PDS5A: variants seen among roughly 807,000 people sequenced by gnomAD.
The protein encoded by PDS5A is sister chromatid cohesion protein PDS5 homolog A.
Under a neutral mutation model 167.1 loss-of-function variants are expected in PDS5A, and 42 were observed. The observed-to-expected ratio is 0.25, with a 90% CI of 0.20 to 0.33. The LOEUF is 0.33. PDS5A is among the 10% of genes least tolerant of loss of function. The pLI, the probability that PDS5A is intolerant of heterozygous loss-of-function variation, is 1.00. For synonymous variants in PDS5A, 553 were observed against 554.6 expected (o/e 1.00, Z 0.04); for missense variants, 1,033 against 1,605.9 (o/e 0.64, Z 6.10).
intron 29 of PDS5A, among the ~76,000 whole-genome samples, chr4:39,845,471 ATTAC>A (rs1265121698): frequency 6.6e-6 from 1 of 152,194 alleles, no homozygotes; most frequent in Non-Finnish European, 1.5e-5. Context: ...GTGTCACCAT[ATTAC>A]TTACATAGAA....
At chr4:39,893,993 T>C (rs1164693001) in intron 16 of PDS5A, among the ~76,000 whole-genome samples, 3 of 152,228 alleles carry the variant, frequency 2.0e-5, no homozygotes, top group Non-Finnish European at 4.4e-5. Flanking sequence ...AGCTATTTCA[T>C]TGTCTGATCT....
chr4:39,972,956 ATAT>A (rs1730698212), intron 2 of PDS5A, among the ~76,000 whole-genome samples: 2 of 151,894 alleles, frequency 1.3e-5, no homozygotes, highest in African/African-American at 2.4e-5. Flanking sequence ...TCTAGGACTA[ATAT>A]TATGTTTGCT....
intron 30 of PDS5A, among the ~76,000 whole-genome samples, 162 bp downstream of exon 30, chr4:39,844,494 A>C (rs1289392403): frequency 7.5e-5 from 11 of 145,846 alleles, no homozygotes; most frequent in East Asian, 4.0e-4. Context: ...AAAAAAAAAA[A>C]CAAAAAAAAA....
intron 17 of PDS5A, among the ~76,000 whole-genome samples, chr4:39,880,455 T>C (rs537871650): frequency 6.6e-6 from 1 of 152,308 alleles, no homozygotes; most frequent in South Asian, 2.1e-4. Flanking sequence ...AACATGGTAC[T>C]ATTTTAAGTA....
intron 32 of PDS5A, among the ~76,000 whole-genome samples, chr4:39,834,571 A>G (rs1189071741): frequency 1.3e-5 from 2 of 152,176 alleles, no homozygotes; most frequent in Non-Finnish European, 2.9e-5. Flanking sequence ...AAAAATTTTT[A>G]AAGAGTGCCA....
In PDS5A at chr4:39,883,243, C is replaced by T. The variant is rs554980536; in HGVS notation, c.1887-3410G>A. ...TTGCCCAGGCTGGAGTGCAATGGTG[C>T]GACCTCAGCTCACTGCAACTTCCGC... On this transcript the variant is annotated intron_variant, in intron 17 of 32. Coordinates refer to ENST00000303538, the MANE Select transcript of PDS5A (RefSeq NM_001100399.2). Among the ~76,000 whole-genome samples, 507 of 152,118 alleles carry T rather than the reference C, an allele frequency of 3.3e-3. 4 individuals are homozygous for T. Among genetic ancestry groups the T allele is most frequent in the Middle Eastern group, 0.02 (6 of 294 alleles).
chr4:39,938,968 A>T (rs1055845746), intron 2 of PDS5A, among the ~76,000 whole-genome samples: 1 of 145,690 alleles, frequency 6.9e-6, no homozygotes, highest in African/African-American at 2.5e-5. Flanking sequence ...GACTCCATCT[A>T]AAAAAAAAAA....
intron 17 of PDS5A, among the ~76,000 whole-genome samples, chr4:39,886,466 C>A (rs544825931): frequency 1.3e-5 from 2 of 152,124 alleles, no homozygotes; most frequent in African/African-American, 4.8e-5. Flanking sequence ...GTAATTCCAG[C>A]ACTTTGGGAG....
At chr4:39,887,737 T>C (rs902769087) in intron 17 of PDS5A, among the ~76,000 whole-genome samples, 13 of 152,046 alleles carry the variant, frequency 8.6e-5, no homozygotes, top group Non-Finnish European at 1.8e-4. Flanking sequence ...TACATTAAGC[T>C]AAAATGGTTC....
chr4:39,923,764 A>G (rs1044827269), intron 5 of PDS5A, among the ~76,000 whole-genome samples: 1 of 152,160 alleles, frequency 6.6e-6, no homozygotes, highest in Non-Finnish European at 1.5e-5. Context: ...AAAGTATACA[A>G]TAATAAAGGC....
chr4:39,869,564 T>A, intron 21 of PDS5A, 102 bp from the exon 22 acceptor site: 1 of 730,476 alleles, frequency 1.4e-6, no homozygotes, highest in Non-Finnish European at 2.4e-6. Context: ...CTGAGAAACC[T>A]ACGGGAACAT....
At chr4:39,891,200 A>C (rs1270813708) in intron 16 of PDS5A, among the ~76,000 whole-genome samples, 2 of 150,206 alleles carry the variant, frequency 1.3e-5, no homozygotes, top group African/African-American at 4.9e-5. Flanking sequence ...TGCCCGGCTA[A>C]TTTTATATTT....
intron 2 of PDS5A, 101 bp from the exon 3 acceptor site, chr4:39,928,265 G>C: frequency 1.5e-6 from 1 of 683,850 alleles, no homozygotes; most frequent in South Asian, 1.9e-5. Context: ...ATTAGCAATC[G>C]GTGGCCACCA....
intron 17 of PDS5A, among the ~76,000 whole-genome samples, chr4:39,889,101 T>C (rs763810314): frequency 5.3e-5 from 8 of 152,176 alleles, no homozygotes; most frequent in East Asian, 1.9e-4. Flanking sequence ...TATTTAGAGA[T>C]AGGGCCTTTA....
intron 2 of PDS5A, among the ~76,000 whole-genome samples, chr4:39,974,584 G>A (rs1730889772): frequency 6.6e-6 from 1 of 151,968 alleles, no homozygotes; most frequent in Non-Finnish European, 1.5e-5. Context: ...CACTCCTGTT[G>A]CCCAGGCTGG....
chr4:39,903,457 T>C (rs900495193), intron 12 of PDS5A, among the ~76,000 whole-genome samples: 2 of 152,206 alleles, frequency 1.3e-5, no homozygotes, highest in African/African-American at 2.4e-5. Context: ...AACAAAACAA[T>C]GGAAACTATT....
At chr4:39,975,314 T>C (rs1730986051) in intron 2 of PDS5A, among the ~76,000 whole-genome samples, 1 of 152,090 alleles carries the variant, frequency 6.6e-6, no homozygotes, top group South Asian at 2.1e-4. Flanking sequence ...AGAACCAAAT[T>C]AAGAGTCTGA....
intron 2 of PDS5A, among the ~76,000 whole-genome samples, chr4:39,934,916 G>A (rs1383651166): frequency 6.6e-6 from 1 of 150,932 alleles, no homozygotes; most frequent in Non-Finnish European, 1.5e-5. Flanking sequence ...ATATATTCTG[G>A]GTACCAATCC....
chr4:39,949,538 A>G (rs1728127431), intron 2 of PDS5A, among the ~76,000 whole-genome samples: 1 of 151,966 alleles, frequency 6.6e-6, no homozygotes, highest in Non-Finnish European at 1.5e-5. Context: ...ACTGTTCTAA[A>G]ACTGACTACG....
Sources: allele counts gnomAD v4.1 joint callset (sites outside exome capture counted in the v4.1 genomes callset), GRCh38; gene constraint gnomAD v4.1.1; transcripts MANE v1.5; gene names NCBI Gene and HGNC (gene_info 2026-07-23, HGNC 2026-07-21).